The following RORA variants were observed in gnomAD, a reference collection of about 807,000 sequenced individuals.
RORA encodes the protein RAR related orphan receptor A, also known as nuclear receptor ROR-alpha.
Under a neutral mutation model 69.5 loss-of-function variants are expected in RORA, and 7 were observed. The ratio of observed to expected loss-of-function variants is 0.10; its 90% CI spans 0.06 to 0.19. The LOEUF (loss-of-function observed/expected upper bound fraction) is 0.19, where lower values mean the gene tolerates loss of function less well. Ranked by LOEUF, RORA falls within the 10% of genes least tolerant of loss-of-function variation. RORA has a pLI of 1.00. For missense variants in RORA, 457 were observed against 663.0 expected (o/e 0.69, Z 3.41); for synonymous variants, 261 against 240.8 (o/e 1.08, Z -0.78).
At chr15:60,641,476 C>G (rs1164623144) in intron 2 of RORA, among the ~76,000 whole-genome samples, 1 of 152,150 alleles carries the variant, frequency 6.6e-6, no homozygotes, top group Non-Finnish European at 1.5e-5. Context: ...ATGGCACAAT[C>G]TCAGCTCCCT....
In RORA at chr15:61,226,623, G is replaced by A. The variant is rs2080147381; in HGVS notation, c.166+2430C>T. 6.6e-6 allele frequency among the ~76,000 whole-genome samples: 1 copy of A among 152,150 alleles called. No individual in the cohort carries two copies. Among genetic ancestry groups the A allele is most frequent in the Admixed American group, 6.5e-5 (1 of 15,280 alleles). ...TCCCTAGCTCACACACATAAAGATT[G>A]GTACCCCTGAGGAGCAGATGCTACA... On this transcript the variant is annotated intron_variant, in intron 1 of 10. Coordinates refer to ENST00000335670, the MANE Select transcript of RORA (RefSeq NM_134261.3). This position sits in a 1 kb window ranked among gnomAD's most constrained non-coding sequence, Gnocchi z 4.2.
intron 1 of RORA, among the ~76,000 whole-genome samples, chr15:60,834,640 A>T (rs2073091334): frequency 6.6e-6 from 1 of 152,242 alleles, no homozygotes; most frequent in Non-Finnish European, 1.5e-5. Context: ...ACTGAAGGAT[A>T]AAAAGCATCA....
At position 60,949,843 on chromosome 15, in the gene RORA, G is replaced by A. The variant is rs137860264; in HGVS notation, c.167-271157C>T. ...ATACCATCTGTTATGTGTCACCAAC[G>A]CTGGTTTTGTAAAAGAGATGAGAAG... On this transcript the variant is annotated intron_variant, in intron 1 of 10. Coordinates refer to ENST00000335670, the MANE Select transcript of RORA (RefSeq NM_134261.3). 3.2e-4 allele frequency among the ~76,000 whole-genome samples: 49 copies of A among 152,226 alleles called. 1 individual carries two copies. The East Asian group carries it at 9.1e-3, about 28-fold the overall frequency.
Position 60,511,398 on chromosome 15 carries a change from G to A in RORA, c.648C>T (p.Ser216=), listed in dbSNP as rs148197507. Residue 216 remains serine, a synonymous_variant, in exon 5 of 11, where the codon TCC becomes TCT. Coordinates refer to ENST00000335670, the MANE Select transcript of RORA (RefSeq NM_134261.3). The surrounding 1 kb of genome is among the most constrained non-coding windows in gnomAD (Gnocchi z 6.4). ...GHTPEGSKAD[S]AVSSFYLDIQ... The stretch of plus-strand genomic sequence containing the variant: ...TGTCCAGGTAGAAGCTGCTGACGGC[G>A]GAGTCTGCCTTACTCCCCTCAGGGG... 2.2e-4 allele frequency: 355 copies of A among 1,614,182 alleles called. No individual in the cohort carries two copies. Among genetic ancestry groups the A allele is most frequent in the Middle Eastern group, 9.9e-4 (6 of 6,062 alleles).
intron 1 of RORA, among the ~76,000 whole-genome samples, chr15:61,070,972 CT>C (rs1202247800): frequency 4.6e-5 from 7 of 151,838 alleles, no homozygotes; most frequent in African/African-American, 1.7e-4. Context: ...TTACATTCTA[CT>C]TTTGCTCTCT....
intron 1 of RORA, among the ~76,000 whole-genome samples, chr15:60,899,952 A>C (rs1469782554): frequency 6.6e-6 from 1 of 152,200 alleles, no homozygotes; most frequent in African/African-American, 2.4e-5. Context: ...GTTTTTCCTT[A>C]TGCAAAGGCC....
chr15:61,191,976 A>G (rs1159878512), intron 1 of RORA, among the ~76,000 whole-genome samples: 2 of 152,266 alleles, frequency 1.3e-5, no homozygotes. Flanking sequence ...TCCAGGCTTA[A>G]TCTAAACCTT....
At chr15:61,082,524 T>C (rs577809522) in intron 1 of RORA, among the ~76,000 whole-genome samples, 18 of 152,218 alleles carry the variant, frequency 1.2e-4, no homozygotes, top group African/African-American at 4.1e-4. Context: ...TACACAATAA[T>C]ACAGTATTTG....
intron 1 of RORA, among the ~76,000 whole-genome samples, chr15:60,808,556 A>G (rs1237733550): frequency 6.6e-6 from 1 of 152,030 alleles, no homozygotes; most frequent in Non-Finnish European, 1.5e-5. Context: ...CAATCCTACC[A>G]CTAGGTATCT....
At chr15:60,784,667 T>C (rs2072311276) in intron 1 of RORA, among the ~76,000 whole-genome samples, 1 of 152,222 alleles carries the variant, frequency 6.6e-6, no homozygotes, top group African/African-American at 2.4e-5. Flanking sequence ...AAGAGAAAGC[T>C]TTCAGTGTTG....
chr15:61,122,041 C>G (rs1682163609), intron 1 of RORA, among the ~76,000 whole-genome samples: 1 of 152,120 alleles, frequency 6.6e-6, no homozygotes, highest in Admixed American at 6.5e-5. Flanking sequence ...GAAATAAGAA[C>G]TGTATGTAAG....
chr15:60,503,485 G>A, intron 7 of RORA, 50 bp downstream of exon 7: 2 of 1,596,146 alleles, frequency 1.3e-6, no homozygotes, highest in Non-Finnish European at 1.7e-6. Flanking sequence ...TAATAAGCGG[G>A]TGAAAGCAGG....
intron 3 of RORA, chr15:60,530,111 C>T (rs2066484752): frequency 6.6e-6 from 1 of 152,164 alleles, no homozygotes; most frequent in African/African-American, 2.4e-5. Context: ...CTACCAGGGA[C>T]ACAGATTTGG....
chr15:60,617,463 G>A (rs2069275589), intron 2 of RORA, among the ~76,000 whole-genome samples: 1 of 152,168 alleles, frequency 6.6e-6, no homozygotes, highest in Non-Finnish European at 1.5e-5. Context: ...GGCAGAACGT[G>A]ACAGTGAGAA....
At chr15:60,870,072 A>T (rs2073537914) in intron 1 of RORA, among the ~76,000 whole-genome samples, 1 of 152,254 alleles carries the variant, frequency 6.6e-6, no homozygotes, top group Non-Finnish European at 1.5e-5. Flanking sequence ...TAAGAATTCA[A>T]TCAGACATGT....
At chr15:60,857,978 C>T (rs1008394477) in intron 1 of RORA, among the ~76,000 whole-genome samples, 1 of 152,194 alleles carries the variant, frequency 6.6e-6, no homozygotes, top group Non-Finnish European at 1.5e-5. Context: ...ACTCTGAGAT[C>T]GGTCACACTG....
At chr15:60,935,302 G>A (rs1892488744) in intron 1 of RORA, among the ~76,000 whole-genome samples, 1 of 152,232 alleles carries the variant, frequency 6.6e-6, no homozygotes, top group African/African-American at 2.4e-5. Flanking sequence ...AAAAGCCAGA[G>A]TTAATCCTTC....
At chr15:61,160,343 G>A (rs562903766) in intron 1 of RORA, among the ~76,000 whole-genome samples, 12 of 152,320 alleles carry the variant, frequency 7.9e-5, no homozygotes, top group Middle Eastern at 3.4e-3. Flanking sequence ...TACGAGGTGA[G>A]AAGGATAACT....
intron 2 of RORA, among the ~76,000 whole-genome samples, chr15:60,605,298 A>AT (rs145047751): frequency 9.9e-5 from 15 of 151,850 alleles, no homozygotes; most frequent in Middle Eastern, 3.4e-3. Flanking sequence ...TGGAAACAAG[A>AT]TTTTTTTTTC....
Sources: gnomAD v4.1 joint callset for allele counts (sites outside exome capture counted in the v4.1 genomes callset) on GRCh38, gnomAD v4.1.1 for gene constraint, Gnocchi (gnomAD v3.1) non-coding constraint, MANE v1.5 for transcripts, NCBI Gene and HGNC (gene_info 2026-07-23, HGNC 2026-07-21) for gene names.